Variants in PTAFR observed in about 807,000 individuals in gnomAD.
The protein encoded by PTAFR is platelet activating factor receptor.
PTAFR carries 8 observed loss-of-function variants against 14.7 expected under a neutral mutation model. The ratio of observed to expected loss-of-function variants is 0.54; its 90% CI spans 0.32 to 0.98. The LOEUF (loss-of-function observed/expected upper bound fraction) is 0.98, where lower values mean the gene tolerates loss of function less well. Among genes scored for constraint, PTAFR ranks in the 50% least tolerant of loss-of-function variants. The pLI, the probability that PTAFR is intolerant of heterozygous loss-of-function variation, is 0.04. For missense variants in PTAFR, 337 were observed against 451.2 expected (o/e 0.75, Z 2.29); for synonymous variants, 156 against 176.5 (o/e 0.88, Z 0.92).
At chr1:28,186,912 G>C (rs1296176864) in intron 1 of PTAFR, among the ~76,000 whole-genome samples, 1 of 152,106 alleles carries the variant, frequency 6.6e-6, no homozygotes. Context: ...GTAACAGAGG[G>C]AGACTCCATG....
chr1:28,164,535 A>G (rs1435206657), intron 1 of PTAFR, among the ~76,000 whole-genome samples: 1 of 152,224 alleles, frequency 6.6e-6, no homozygotes, highest in Non-Finnish European at 1.5e-5. Flanking sequence ...TATACAGTAC[A>G]TCTTGCCTAT....
upstream of PTAFR, among the ~76,000 whole-genome samples, chr1:28,179,309 G>A (rs11582510): frequency 0.12 from 17,779 of 152,176 alleles, 1,426 homozygotes; most frequent in Non-Finnish European, 0.17. Context: ...CTCAAGGTCC[G>A]GAACTGTTGG....
At chr1:28,183,444 A>G (rs1160777539) in intron 1 of PTAFR, among the ~76,000 whole-genome samples, 1 of 152,226 alleles carries the variant, frequency 6.6e-6, no homozygotes, top group African/African-American at 2.4e-5. Flanking sequence ...TCTCACGCCT[A>G]TAAAACCACA....
At chr1:28,156,795 C>G (rs1239239294) in intron 1 of PTAFR, among the ~76,000 whole-genome samples, 1 of 152,210 alleles carries the variant, frequency 6.6e-6, no homozygotes, top group South Asian at 2.1e-4. Flanking sequence ...CCTTGTTTCT[C>G]TCTCAGGCTA....
At chr1:28,184,981 C>A (rs554543594) in intron 1 of PTAFR, among the ~76,000 whole-genome samples, 4 of 152,160 alleles carry the variant, frequency 2.6e-5, no homozygotes, top group Admixed American at 2.6e-4. Flanking sequence ...CTGCCTGGAC[C>A]ACCCTTCCTC....
intron 1 of PTAFR, among the ~76,000 whole-genome samples, chr1:28,174,728 G>A (rs1328311559): frequency 6.6e-6 from 1 of 152,188 alleles, no homozygotes; most frequent in African/African-American, 2.4e-5. Context: ...CAAACCCTGT[G>A]CTAAGGATAA....
At chr1:28,158,727 A>G (rs965744408) in intron 1 of PTAFR, among the ~76,000 whole-genome samples, 1 of 152,068 alleles carries the variant, frequency 6.6e-6, no homozygotes, top group Non-Finnish European at 1.5e-5. Flanking sequence ...TCAACTCAAG[A>G]TGGGTCCTAG....
rs1356362127 is a variant in PTAFR, at chr1:28,185,008, G to A, written c.-39+8714C>T. Among the ~76,000 whole-genome samples the A allele has an allele frequency of 2.0e-5, 3 of 152,040 alleles. No individual in the cohort carries two copies. In the South Asian group the frequency reaches 6.3e-4, roughly 32 times the overall value. Reference sequence around the variant, plus strand: ...CCCTTCCTCAGACACTCAAAGTTAGGTCTTTCCTCAAAAGCCACTTTCTCA... The same window carrying A: ...CCCTTCCTCAGACACTCAAAGTTAGATCTTTCCTCAAAAGCCACTTTCTCA... On this transcript the variant is annotated intron_variant, in intron 1 of 1. Coordinates refer to the PTAFR transcript ENST00000305392.
At position 28,150,679 on chromosome 1, in the gene PTAFR, G is replaced by C; in HGVS notation, c.343C>G (p.Arg115Gly). The C allele has an allele frequency of 6.2e-7, 1 of 1,614,110 alleles. No homozygotes were observed. Among genetic ancestry groups the C allele is most frequent in the Non-Finnish European group, 8.5e-7 (1 of 1,180,032 alleles). ...VAFLGVITYN[R>G]FQAVTRPIKT... The stretch of plus-strand genomic sequence containing the variant: ...ATGGGCCGAGTTACTGCCTGGAAGC[G>C]GTTATAAGTGATGACGCCCAGGAAG... Residue 115 changes from arginine (R) to glycine (G), a missense_variant, in exon 2 of 2, where the codon CGC becomes GGC. Physicochemically the swap from Arg to Gly is moderately radical, Grantham distance 125. Transcript: ENST00000373857. This position sits in a 1 kb window ranked among gnomAD's most constrained non-coding sequence, Gnocchi z 6.3.
chr1:28,150,625 G>A lies in PTAFR; in HGVS notation c.397C>T (p.Arg133Cys), dbSNP rs1453045654. The change falls in exon 2 of 2, where the codon CGT (arginine) becomes TGT (cysteine). Residue 133 changes from arginine to cysteine, a missense_variant. Physicochemically the swap from Arg to Cys is radical, Grantham distance 180. Coordinates refer to ENST00000373857, the MANE Select transcript of PTAFR (RefSeq NM_000952.5). This position sits in a 1 kb window ranked among gnomAD's most constrained non-coding sequence, Gnocchi z 6.3. ...ATGACCAAGGACAAAGAGATGCCAC[G>A]CTTGCGGGTGTTGGCCTGAGCAGTC... ...IKTAQANTRKRGISLSLVIWV... is the reference protein window; with the variant it reads ...IKTAQANTRKCGISLSLVIWV... 5 of 1,614,068 alleles carry A rather than the reference G, an allele frequency of 3.1e-6. No homozygotes were observed. The highest frequency in any genetic ancestry group is 4.2e-6 in the Non-Finnish European group (5 of 1,180,050).
At chr1:28,187,516 T>C (rs2989475) in intron 1 of PTAFR, among the ~76,000 whole-genome samples, 10 of 151,294 alleles carry the variant, frequency 6.6e-5, no homozygotes, top group African/African-American at 2.2e-4. Context: ...GAAAAAAAAA[T>C]TTTTTTTTAA....
chr1:28,151,088 A>G lies in PTAFR; in HGVS notation c.-38-29T>C, dbSNP rs1646181752. On this transcript the variant is annotated intron_variant, in intron 1 of 1. Transcript: ENST00000373857. ...GAAGACCACACAAAAATTCTGGTTA[A>G]TAAAGGGACAAGAAGGGACTGTTCC... The G allele has an allele frequency of 4.6e-6, 6 of 1,308,248 alleles. No individual in the cohort carries two copies. The Admixed American group carries it at 1.4e-4, about 31-fold the overall frequency. The allele number at this position is 1,308,248 out of a possible 1,614,324, so 81.0% of individuals were successfully genotyped here. A position where few individuals can be genotyped will look rare whatever the true frequency, so the allele number is the denominator to read the frequency against.
At chr1:28,167,531 A>C (rs1209211014) in intron 1 of PTAFR, among the ~76,000 whole-genome samples, 1 of 152,122 alleles carries the variant, frequency 6.6e-6, no homozygotes, top group Non-Finnish European at 1.5e-5. Context: ...GCCACTATGG[A>C]AAAGAGTATA....
intron 1 of PTAFR, among the ~76,000 whole-genome samples, chr1:28,186,204 C>T (rs1376431294): frequency 6.6e-6 from 1 of 152,046 alleles, no homozygotes; most frequent in Non-Finnish European, 1.5e-5. Flanking sequence ...AGGCTGGTCT[C>T]GAACTCCTGA....
chr1:28,164,230 G>C (rs1458558768), intron 1 of PTAFR, among the ~76,000 whole-genome samples: 1 of 152,188 alleles, frequency 6.6e-6, no homozygotes, highest in East Asian at 1.9e-4. Context: ...CACCAGTCCT[G>C]CTAGCTCTTA....
chr1:28,170,363 G>A (rs939923334), intron 1 of PTAFR, among the ~76,000 whole-genome samples: 4 of 152,092 alleles, frequency 2.6e-5, no homozygotes, highest in African/African-American at 9.7e-5. Context: ...CCAGCTCTTA[G>A]ATTCGCTGGG....
Position 28,150,541 on chromosome 1 carries a change from C to T in PTAFR, c.481G>A (p.Val161Met), listed in dbSNP as rs960529487. The T allele has an allele frequency of 6.2e-7, 1 of 1,614,064 alleles. No individual in the cohort carries two copies. Among genetic ancestry groups the T allele is most frequent in the African/African-American group, 1.3e-5 (1 of 74,912 alleles). ...YFLILDSTNT[V>M]PDSAGSGNVT... Reference sequence around the variant, plus strand: ...TTGCCTGAGCCAGCACTGTCGGGCACTGTGTTGGTGGAGTCCAGGATGAGG... The same window carrying T: ...TTGCCTGAGCCAGCACTGTCGGGCATTGTGTTGGTGGAGTCCAGGATGAGG... Residue 161 changes from valine (V) to methionine (M), a missense_variant, in exon 2 of 2, where the codon GTG (valine) becomes ATG (methionine). Physicochemically the swap from Val to Met is conservative, Grantham distance 21 (BLOSUM62 1). Transcript: ENST00000373857. This position sits in a 1 kb window ranked among gnomAD's most constrained non-coding sequence, Gnocchi z 6.3.
At chr1:28,161,011 T>C (rs1304199027) in intron 1 of PTAFR, among the ~76,000 whole-genome samples, 2 of 152,204 alleles carry the variant, frequency 1.3e-5, no homozygotes, top group African/African-American at 4.8e-5. Flanking sequence ...CCTGAGAGCT[T>C]GCACTTTCAT....
chr1:28,169,232 A>G (rs1646425805), intron 1 of PTAFR, among the ~76,000 whole-genome samples: 1 of 151,996 alleles, frequency 6.6e-6, no homozygotes, highest in African/African-American at 2.4e-5. Context: ...CCCAGTCTCT[A>G]TAAAATAAAT....
Sources: allele counts gnomAD v4.1 joint callset (sites outside exome capture counted in the v4.1 genomes callset), GRCh38; gene constraint gnomAD v4.1.1; non-coding constraint Gnocchi (gnomAD v3.1); transcripts MANE v1.5; gene names NCBI Gene and HGNC (gene_info 2026-07-23, HGNC 2026-07-21).